Variants in FUT8 observed in about 807,000 individuals in gnomAD.
The protein encoded by FUT8 is fucosyltransferase 8.
FUT8 carries 29 observed loss-of-function variants against 71.3 expected under a neutral mutation model. The ratio of observed to expected loss-of-function variants is 0.41; its 90% CI spans 0.30 to 0.55. FUT8 has a LOEUF of 0.55. FUT8 is among the 20% of genes least tolerant of loss of function. FUT8 has a pLI of 0.34. For synonymous variants in FUT8, 254 were observed against 239.3 expected (o/e 1.06, Z -0.57); for missense variants, 544 against 702.1 (o/e 0.77, Z 2.55).
At chr14:65,368,712 G>A in the FUT8 span, among the ~76,000 whole-genome samples, 1 of 150,330 alleles carries the variant, frequency 6.7e-6, no homozygotes, top group African/African-American at 2.4e-5. Context: ...TAGTAGAGAC[G>A]GGGTTTCACC....
chr14:65,531,727 G>A (rs569110708), intron 2 of FUT8, among the ~76,000 whole-genome samples: 2 of 152,196 alleles, frequency 1.3e-5, no homozygotes, highest in East Asian at 1.9e-4. Context: ...CAGGTACTAA[G>A]CCTAGTACCC....
rs74058526 is a variant in FUT8, at chr14:65,594,793, C to T, written c.204-21185C>T. Among the ~76,000 whole-genome samples the T allele has an allele frequency of 8.9e-3, 1,357 of 152,184 alleles. 21 individuals are homozygous for T. Among genetic ancestry groups the T allele is most frequent in the African/African-American group, 0.028 (1,179 of 41,530 alleles). On this transcript the variant is annotated intron_variant, in intron 3 of 10. Transcript: ENST00000673929. ...CTGAAGTCAAGTTGCCTCATCCAGC[C>T]GGTGTCTCTGAAGTTAAGTCCTCTC...
upstream of FUT8, chr14:65,411,719 C>G (rs1452283623): frequency 3.6e-6 from 1 of 280,814 alleles, no homozygotes; most frequent in African/African-American, 2.3e-5. Flanking sequence ...CACCGTAAAG[C>G]GCCCCAGGCT....
At chr14:65,586,397 C>T (rs1887385927) in intron 3 of FUT8, among the ~76,000 whole-genome samples, 1 of 152,128 alleles carries the variant, frequency 6.6e-6, no homozygotes, top group South Asian at 2.1e-4. Context: ...GGCAGGCATT[C>T]CCAAATACCC....
chr14:65,570,758 A>T (rs771818701), intron 3 of FUT8, among the ~76,000 whole-genome samples: 1 of 152,128 alleles, frequency 6.6e-6, no homozygotes, highest in Non-Finnish European at 1.5e-5. Flanking sequence ...AAGTGAATTA[A>T]ATATGGTCTG....
intron 10 of FUT8, among the ~76,000 whole-genome samples, chr14:65,740,358 T>C (rs1220214514): frequency 1.3e-5 from 2 of 152,014 alleles, no homozygotes; most frequent in East Asian, 3.9e-4. Context: ...TTGCAAATTA[T>C]ATATAGCATT....
At chr14:65,361,298 G>T in the FUT8 span, among the ~76,000 whole-genome samples, 7 of 148,958 alleles carry the variant, frequency 4.7e-5, no homozygotes, top group Non-Finnish European at 8.9e-5. Flanking sequence ...GGAGGTTGTG[G>T]TGAGCCGAGA....
chr14:65,357,971 T>A, the FUT8 span, among the ~76,000 whole-genome samples: 1 of 152,120 alleles, frequency 6.6e-6, no homozygotes, highest in Non-Finnish European at 1.5e-5. Flanking sequence ...TCCACACATA[T>A]GTGAAATCCA....
intron 2 of FUT8, among the ~76,000 whole-genome samples, chr14:65,475,467 G>A (rs2066222859): frequency 6.6e-6 from 1 of 152,126 alleles, no homozygotes; most frequent in Non-Finnish European, 1.5e-5. Context: ...CATTAAAAGT[G>A]TCAGGATGAT....
At chr14:65,484,872 T>C (rs2066385616) in intron 2 of FUT8, among the ~76,000 whole-genome samples, 1 of 152,164 alleles carries the variant, frequency 6.6e-6, no homozygotes, top group South Asian at 2.1e-4. Flanking sequence ...TGGATCGTCT[T>C]TATTGGTATT....
chr14:65,416,768 ATTTTTTT>A (rs763100202), intron 1 of FUT8, among the ~76,000 whole-genome samples: 7 of 129,250 alleles, frequency 5.4e-5, no homozygotes, highest in Non-Finnish European at 3.3e-5. Flanking sequence ...ATTTTCTTTA[ATTTTTTT>A]TTTTTTTTTT....
intron 2 of FUT8, among the ~76,000 whole-genome samples, chr14:65,462,336 T>A (rs923046810): frequency 6.6e-6 from 1 of 152,240 alleles, no homozygotes; most frequent in African/African-American, 2.4e-5. Flanking sequence ...TTTTTCAACT[T>A]GAATAGTGTA....
intron 2 of FUT8, among the ~76,000 whole-genome samples, chr14:65,492,052 TTAC>T (rs2066489969): frequency 1.3e-5 from 2 of 152,188 alleles, no homozygotes; most frequent in East Asian, 3.8e-4. Context: ...TTTGAATTAG[TTAC>T]TTGGACTTGT....
chr14:65,566,975 G>T (rs911669640), intron 3 of FUT8, among the ~76,000 whole-genome samples: 2 of 151,916 alleles, frequency 1.3e-5, no homozygotes, highest in African/African-American at 4.8e-5. Context: ...AAAATTGTTG[G>T]TTTGTGCAGA....
At chr14:65,646,797 T>A (rs936726795) in intron 6 of FUT8, among the ~76,000 whole-genome samples, 4 of 152,186 alleles carry the variant, frequency 2.6e-5, no homozygotes, top group Admixed American at 2.0e-4. Context: ...TAGATATGGC[T>A]CATTGATAAG....
At chr14:65,407,663 A>C (rs1212981502), upstream of FUT8, among the ~76,000 whole-genome samples, 1 of 152,226 alleles carries the variant, frequency 6.6e-6, no homozygotes, top group Admixed American at 6.5e-5. Context: ...GATGAAATTA[A>C]AGATATACAA....
chr14:65,566,907 T>G (rs1455895127), intron 3 of FUT8, among the ~76,000 whole-genome samples: 1 of 151,992 alleles, frequency 6.6e-6, no homozygotes, highest in Non-Finnish European at 1.5e-5. Context: ...TTTTGCTCCT[T>G]GGGACTTGAA....
chr14:65,653,136 A>C (rs907350478), intron 6 of FUT8, among the ~76,000 whole-genome samples: 1 of 152,088 alleles, frequency 6.6e-6, no homozygotes, highest in Non-Finnish European at 1.5e-5. Context: ...GAGCCCCACT[A>C]GGTAGAAGAG....
intron 2 of FUT8, among the ~76,000 whole-genome samples, chr14:65,557,244 G>A (rs539399479): frequency 1.1e-3 from 161 of 151,624 alleles, no homozygotes; most frequent in Middle Eastern, 3.4e-3. Context: ...TGTAAATACT[G>A]AAAGAAATGA....
Sources: allele counts gnomAD v4.1 joint callset (sites outside exome capture counted in the v4.1 genomes callset), GRCh38; gene constraint gnomAD v4.1.1; transcripts MANE v1.5; gene names NCBI Gene and HGNC (gene_info 2026-07-23, HGNC 2026-07-21).